PKLR: variants seen among roughly 807,000 people sequenced by gnomAD.
PKLR encodes the protein pyruvate kinase PKLR.
A neutral mutation model predicts 53.6 loss-of-function variants in PKLR; 38 were observed. The observed-to-expected ratio is 0.71, with a 90% CI of 0.55 to 0.93. The LOEUF (loss-of-function observed/expected upper bound fraction) is 0.93, where lower values mean the gene tolerates loss of function less well. Among genes scored for constraint, PKLR ranks in the 40% least tolerant of loss-of-function variants. The pLI, the probability that PKLR is intolerant of heterozygous loss-of-function variation, is 0.00. For synonymous variants in PKLR, 328 were observed against 316.2 expected, an observed-to-expected ratio of 1.04 and a Z score of -0.39; for missense variants, 702 against 787.3, an observed-to-expected ratio of 0.89 and a Z score of 1.30.
chr1:155,299,018 C>CTTTCT (rs1647803206), intron 2 of PKLR, among the ~76,000 whole-genome samples: 1 of 101,312 alleles, frequency 9.9e-6, no homozygotes, highest in Non-Finnish European at 1.9e-5. Flanking sequence ...TTCTTTCTTT[C>CTTTCT]TTTCTTTCTT....
upstream of PKLR, among the ~76,000 whole-genome samples, chr1:155,302,370 G>A (rs1244911834): frequency 1.3e-5 from 2 of 151,660 alleles, no homozygotes; most frequent in Non-Finnish European, 2.9e-5. Flanking sequence ...CTGAGTAGCT[G>A]GGATTACAGG....
intron 2 of PKLR, among the ~76,000 whole-genome samples, chr1:155,298,682 C>A (rs976744102): frequency 6.6e-6 from 1 of 151,732 alleles, no homozygotes; most frequent in African/African-American, 2.4e-5. Flanking sequence ...GCTCTTGTTG[C>A]CCAAACTGGA....
chr1:155,305,752 C>T (rs1648215550), upstream of PKLR, among the ~76,000 whole-genome samples: 1 of 152,046 alleles, frequency 6.6e-6, no homozygotes, highest in South Asian at 2.1e-4. Flanking sequence ...ACCTCAACGT[C>T]CCAAGGAGTC....
chr1:155,294,440 G>C (rs1557958980), intron 6 of PKLR, 42 bp downstream of exon 6: 2 of 1,614,204 alleles, frequency 1.2e-6, no homozygotes, highest in Non-Finnish European at 1.7e-6. Context: ...AGGTGATGGG[G>C]AATAGCGACA....
intron 10 of PKLR, among the ~76,000 whole-genome samples, chr1:155,291,269 G>A (rs1047321634): frequency 3.6e-4 from 54 of 151,956 alleles, no homozygotes; most frequent in Non-Finnish European, 1.0e-4. Flanking sequence ...AGTCCGAGGC[G>A]GGCGGATCAC....
the PKLR span, chr1:155,308,539 C>T: frequency 1.0e-6 from 1 of 984,830 alleles, no homozygotes; most frequent in Non-Finnish European, 1.2e-6. Flanking sequence ...GCTAGTCCTG[C>T]TGCGTTTTAC....
chr1:155,308,294 C>T, the PKLR span, among the ~76,000 whole-genome samples: 18 of 151,772 alleles, frequency 1.2e-4, no homozygotes, highest in Non-Finnish European at 1.9e-4. Context: ...GTCTCGAACT[C>T]CTGACCTCAT....
rs1331742633 is a variant in PKLR at position 155,291,846 on chromosome 1, G to A, written c.1528C>T (p.Arg510Ter). The A allele has an allele frequency of 6.8e-6, 11 of 1,613,924 alleles. No individual in the cohort carries two copies. The highest frequency in any genetic ancestry group is 2.2e-5 in the South Asian group (2 of 91,078). Reference protein sequence around the residue: ...AQAARQVHLCRGVFPLLYREP... With the variant: ...AQAARQVHLC ...CGGTAAAGCAAGGGGAAGACTCCTC[G>A]GCATAAGTGGACCTGGCGGGCAGCC... Residue 510 changes from arginine (R) to a stop codon, truncating the protein, a stop_gained, in exon 10 of 11, where the codon CGA becomes TGA. Transcript: ENST00000342741. LOFTEE classifies it high-confidence loss of function.
chr1:155,308,547 T>C, the PKLR span: 700 of 985,316 alleles, frequency 7.1e-4, no homozygotes, highest in African/African-American at 0.012. Flanking sequence ...TGCTGCGTTT[T>C]ACTAACGTGC....
chr1:155,298,953 CCTTTCTT>C (rs1647763626), intron 2 of PKLR, among the ~76,000 whole-genome samples: 2 of 103,804 alleles, frequency 1.9e-5, no homozygotes, highest in Non-Finnish European at 4.3e-5. Flanking sequence ...AACTTTCACT[CCTTTCTT>C]TCTTTCTTTC....
At chr1:155,292,581 G>A (rs143289029) in intron 9 of PKLR, among the ~76,000 whole-genome samples, 395 of 152,340 alleles carry the variant, frequency 2.6e-3, no homozygotes, top group African/African-American at 9.2e-3. Context: ...AGGTTGTGGT[G>A]AGCTGAGATT....
At chr1:155,292,046 G>A in intron 9 of PKLR, 109 bp from the exon 10 acceptor site, 6 of 1,034,538 alleles carry the variant, frequency 5.8e-6, no homozygotes, top group Non-Finnish European at 5.9e-6. Context: ...GTGACCCTGG[G>A]TAAGTCATCA....
At chr1:155,300,619 C>T (rs1045455802) in intron 1 of PKLR, among the ~76,000 whole-genome samples, 5 of 152,050 alleles carry the variant, frequency 3.3e-5, no homozygotes, top group Non-Finnish European at 7.4e-5. Flanking sequence ...AACCCAGGAC[C>T]CCCCGACCTG....
intron 1 of PKLR, 98 bp downstream of exon 1, chr1:155,301,198 C>A (rs952380625): frequency 1.4e-6 from 2 of 1,459,348 alleles, no homozygotes; most frequent in African/African-American, 2.8e-5. Context: ...CCCACCTAGC[C>A]AGTGGCTGAT....
chr1:155,306,483 G>C, the PKLR span, among the ~76,000 whole-genome samples: 2 of 152,198 alleles, frequency 1.3e-5, no homozygotes, highest in Non-Finnish European at 2.9e-5. This position sits in a 1 kb window ranked among gnomAD's most constrained non-coding sequence, Gnocchi z 4.2. Context: ...AGGAAGTCGG[G>C]GGGCACTGAC....
Position 155,295,689 on chromosome 1 carries a change from G to GC in PKLR, c.350_351insG (p.Asn118GlnfsTer12). Reference sequence around the variant, plus strand: ...CCTCGTGGGAGCCGTGGGAGAAGTTGAGTCGCGCAATGTTCATCCCGGCCT... The same window carrying GC: ...CCTCGTGGGAGCCGTGGGAGAAGTTGCAGTCGCGCAATGTTCATCCCGGCCT... On this transcript the variant is annotated frameshift_variant, in exon 3 of 11. Coordinates refer to ENST00000342741, the MANE Select transcript of PKLR (RefSeq NM_000298.6). LOFTEE classifies it high-confidence loss of function. This position sits in a 1 kb window ranked among gnomAD's most constrained non-coding sequence, Gnocchi z 4.3. The GC allele has an allele frequency of 1.9e-6, 3 of 1,614,138 alleles. No individual in the cohort carries two copies. Among genetic ancestry groups the GC allele is most frequent in the Non-Finnish European group, 2.5e-6 (3 of 1,180,012 alleles).
Position 155,295,622 on chromosome 1 carries a change from G to T in PKLR, c.375+43C>A. The T allele has an allele frequency of 6.2e-7, 1 of 1,613,892 alleles. No individual in the cohort carries two copies. The highest frequency in any genetic ancestry group is 8.5e-7 in the Non-Finnish European group (1 of 1,179,878). On this transcript the variant is annotated intron_variant, in intron 3 of 10. Transcript: ENST00000342741. The surrounding 1 kb of genome is among the most constrained non-coding windows in gnomAD (Gnocchi z 4.3). ...AGGGGAAGGTGGCCAGGACCTCGAG[G>T]CATCCTCCTGCCCCACCCACTGCCC...
At chr1:155,290,745 T>G (rs1674495522) in intron 10 of PKLR, 67 bp from the exon 11 acceptor site, 1 of 988,360 alleles carries the variant, frequency 1.0e-6, no homozygotes, top group Admixed American at 1.8e-5. Flanking sequence ...TCCCATCACT[T>G]TGGGAAGCCA....
chr1:155,290,470 A>T lies in PKLR; in HGVS notation c.*102T>A. ...GAGGGTCAGGAATAGAGAAGAGAGG[A>T]CTTAAAGGTGGGGCTTTGGAGGGGT... On this transcript the variant is annotated 3_prime_UTR_variant, in exon 11 of 11. Transcript: ENST00000342741. 2.7e-6 allele frequency: 2 copies of T among 733,168 alleles called. No homozygotes were observed. Among genetic ancestry groups the T allele is most frequent in the South Asian group, 2.9e-5 (2 of 68,666 alleles). The allele number at this position is 733,168 out of a possible 1,614,324, so 45.4% of individuals were successfully genotyped here.
Sources: gnomAD v4.1 joint callset for allele counts (sites outside exome capture counted in the v4.1 genomes callset) on GRCh38, gnomAD v4.1.1 for gene constraint, Gnocchi (gnomAD v3.1) non-coding constraint, MANE v1.5 for transcripts, NCBI Gene and HGNC (gene_info 2026-07-23, HGNC 2026-07-21) for gene names.